The following GLIS3 variants were observed in gnomAD, a reference collection of about 807,000 sequenced individuals.
The protein encoded by GLIS3 is GLIS family zinc finger 3, also known as zinc finger protein GLIS3.
A neutral mutation model predicts 78.6 loss-of-function variants in GLIS3; 53 were observed. The ratio of observed to expected loss-of-function variants is 0.67; its 90% CI spans 0.54 to 0.85. The LOEUF is 0.85. GLIS3 is among the 40% of genes least tolerant of loss of function. The pLI is 0.00. For synonymous variants in GLIS3, 684 were observed against 509.9 expected, an observed-to-expected ratio of 1.34 and a Z score of -4.60; for missense variants, 1,703 against 1,231.1, an observed-to-expected ratio of 1.38 and a Z score of -5.74.
intron 8 of GLIS3, among the ~76,000 whole-genome samples, chr9:3,865,091 AATG>A: frequency 6.6e-6 from 1 of 152,290 alleles, no homozygotes; most frequent in South Asian, 2.1e-4. Context: ...GAATGAGCCT[AATG>A]ATGTTCTCTG....
At position 3,824,538 on chromosome 9, in the gene GLIS3, A is replaced by G. The variant is rs1198159549; in HGVS notation, c.*3734T>C. On this transcript the variant is annotated 3_prime_UTR_variant, in exon 11 of 11. Coordinates refer to ENST00000381971, the MANE Select transcript of GLIS3 (RefSeq NM_001042413.2). The stretch of plus-strand genomic sequence containing the variant: ...TCCCTTCATTTTACTTTTGACATAA[A>G]AAAAGGACTTCATGAACAAGACAAA... The G allele has an allele frequency of 6.6e-6, 1 of 152,274 alleles. No homozygotes were observed. The highest frequency in any genetic ancestry group is 2.4e-5 in the African/African-American group (1 of 41,454). The allele number at this position is 152,274 out of a possible 1,614,324, so 9.4% of individuals were successfully genotyped here. A position where few individuals can be genotyped will look rare whatever the true frequency, so the allele number is the denominator to read the frequency against.
At chr9:4,011,697 T>C (rs142785684) in intron 4 of GLIS3, among the ~76,000 whole-genome samples, 1,543 of 152,274 alleles carry the variant, frequency 0.01, 24 homozygotes, top group African/African-American at 0.035. Flanking sequence ...TATTTTCTAA[T>C]TGATTTTTGG....
the GLIS3 span, among the ~76,000 whole-genome samples, chr9:4,395,827 G>A: frequency 1.4e-5 from 2 of 146,602 alleles, no homozygotes; most frequent in African/African-American, 5.1e-5. Flanking sequence ...GGGCTGGAGT[G>A]CAATGGCACA....
rs188845256 is a variant in GLIS3, at chr9:4,288,603, G to A, written c.-98-2080C>T. ...GATCATTAAAAAGGTGAGTTTGCAA[G>A]AAGGAAAAATAATTAGAGCACTGAC... On this transcript the variant is annotated intron_variant, in intron 1 of 10. Transcript: ENST00000381971. Among the ~76,000 whole-genome samples the A allele has an allele frequency of 4.2e-3, 633 of 152,292 alleles. 6 individuals are homozygous for A. The highest frequency in any genetic ancestry group is 0.02 in the Middle Eastern group (6 of 294).
intron 2 of GLIS3, among the ~76,000 whole-genome samples, chr9:4,168,667 G>T (rs149024597): frequency 6.6e-6 from 1 of 152,156 alleles, no homozygotes; most frequent in Non-Finnish European, 1.5e-5. Flanking sequence ...AAAGATTTAT[G>T]TATCATTTTC....
At chr9:4,170,509 G>C (rs148442711) in intron 2 of GLIS3, among the ~76,000 whole-genome samples, 4 of 152,282 alleles carry the variant, frequency 2.6e-5, no homozygotes, top group African/African-American at 7.2e-5. Flanking sequence ...GCCATGTACA[G>C]TGTATGGAAG....
intron 2 of GLIS3, chr9:4,151,022 G>C (rs1834635240): frequency 6.6e-6 from 1 of 152,234 alleles, no homozygotes; most frequent in Admixed American, 6.5e-5. Flanking sequence ...TGAGCATTGG[G>C]TTGGGGACAG....
the GLIS3 span, among the ~76,000 whole-genome samples, chr9:4,416,252 T>TTTAAAAAAAAA: frequency 7.9e-5 from 6 of 75,802 alleles, 1 homozygote; most frequent in African/African-American, 1.1e-4. Flanking sequence ...ACACTGTTTT[T>TTTAAAAAAAAA]AAAAAAAAAA....
At chr9:4,345,694 T>A (rs1817888755) in intron 2 of GLIS3, among the ~76,000 whole-genome samples, 1 of 152,170 alleles carries the variant, frequency 6.6e-6, no homozygotes, top group Admixed American at 6.5e-5. Flanking sequence ...TTTTCCAGAG[T>A]AGAATGTTAA....
the GLIS3 span, among the ~76,000 whole-genome samples, chr9:4,393,708 T>A: frequency 6.6e-6 from 1 of 152,196 alleles, no homozygotes; most frequent in Non-Finnish European, 1.5e-5. Context: ...GGTTATGCAT[T>A]TTTGGCAGGA....
At chr9:4,130,299 G>A (rs1276453270) in intron 2 of GLIS3, among the ~76,000 whole-genome samples, 1 of 152,242 alleles carries the variant, frequency 6.6e-6, no homozygotes, top group Non-Finnish European at 1.5e-5. Context: ...CAAGCAGGCT[G>A]CAGAAATTTG....
At chr9:4,006,590 C>T (rs1019121808) in intron 4 of GLIS3, among the ~76,000 whole-genome samples, 3 of 152,146 alleles carry the variant, frequency 2.0e-5, no homozygotes, top group Non-Finnish European at 4.4e-5. Flanking sequence ...CCTTTATATG[C>T]ATTAAGTACT....
intron 4 of GLIS3, among the ~76,000 whole-genome samples, chr9:3,976,403 T>C (rs556863449): frequency 3.3e-5 from 5 of 152,144 alleles, no homozygotes; most frequent in African/African-American, 9.6e-5. Context: ...TTCTTCCAAA[T>C]TGGAGGCTGA....
At chr9:4,433,215 T>G in the GLIS3 span, among the ~76,000 whole-genome samples, 1 of 152,220 alleles carries the variant, frequency 6.6e-6, no homozygotes, top group African/African-American at 2.4e-5. Flanking sequence ...GCAGATCACC[T>G]GAGGTCAGGA....
At chr9:4,157,282 T>C (rs1314844072) in intron 2 of GLIS3, among the ~76,000 whole-genome samples, 1 of 152,158 alleles carries the variant, frequency 6.6e-6, no homozygotes, top group Non-Finnish European at 1.5e-5. Flanking sequence ...TTAGGGTTAG[T>C]CATCTGCCTC....
intron 2 of GLIS3, among the ~76,000 whole-genome samples, chr9:4,178,325 A>G (rs1481699670): frequency 6.6e-6 from 1 of 152,138 alleles, no homozygotes; most frequent in East Asian, 1.9e-4. Flanking sequence ...TCTAAAAGAT[A>G]TCCTGCAAAG....
chr9:4,262,108 G>C (rs1481108628), intron 2 of GLIS3, among the ~76,000 whole-genome samples: 2 of 152,122 alleles, frequency 1.3e-5, no homozygotes. Context: ...TTAACCATGT[G>C]TCTGAACTAT....
At chr9:4,474,827 G>C in the GLIS3 span, among the ~76,000 whole-genome samples, 2 of 151,106 alleles carry the variant, frequency 1.3e-5, no homozygotes, top group Non-Finnish European at 2.9e-5. Context: ...CTCTGGAGTA[G>C]CTGGGACTAC....
chr9:4,340,590 T>C (rs1587394652), intron 2 of GLIS3, among the ~76,000 whole-genome samples: 1 of 152,088 alleles, frequency 6.6e-6, no homozygotes, highest in Non-Finnish European at 1.5e-5. Flanking sequence ...GGAGTGAGGG[T>C]GATGGTCCAT....
Sources: allele counts gnomAD v4.1 joint callset (sites outside exome capture counted in the v4.1 genomes callset), GRCh38; gene constraint gnomAD v4.1.1; transcripts MANE v1.5; gene names NCBI Gene and HGNC (gene_info 2026-07-23, HGNC 2026-07-21).